The following ZNF90 variants were observed in gnomAD, a reference collection of about 807,000 sequenced individuals.
ZNF90 encodes the protein zinc finger protein 90.
A neutral mutation model predicts 12.0 loss-of-function variants in ZNF90; 11 were observed. The ratio of observed to expected loss-of-function variants is 0.92; its 90% CI spans 0.58 to 1.52. The LOEUF is 1.52. Ranked by LOEUF, ZNF90 falls within the 40% of genes most tolerant of loss-of-function variation. The pLI is 0.00. For synonymous variants in ZNF90, 232 were observed against 240.1 expected (o/e 0.97, Z 0.31); for missense variants, 765 against 711.5 (o/e 1.08, Z -0.86).
At chr19:20,113,604 C>A (rs1386035353) in intron 3 of ZNF90, among the ~76,000 whole-genome samples, 1 of 152,012 alleles carries the variant, frequency 6.6e-6, no homozygotes, top group East Asian at 2.0e-4. Context: ...CCAAGACGGG[C>A]GGATCATGAG....
At chr19:20,110,482 T>C (rs2089079122) in intron 3 of ZNF90, among the ~76,000 whole-genome samples, 1 of 152,036 alleles carries the variant, frequency 6.6e-6, no homozygotes, top group Non-Finnish European at 1.5e-5. Context: ...GCCAGGCTGG[T>C]CTCAGACTCC....
At chr19:20,100,381 C>T (rs57642985) in intron 1 of ZNF90, among the ~76,000 whole-genome samples, 10,500 of 152,234 alleles carry the variant, frequency 0.069, 1,032 homozygotes, top group African/African-American at 0.22. Context: ...TAATCCCCTG[C>T]ACTGCAGGCC....
intron 1 of ZNF90, among the ~76,000 whole-genome samples, chr19:20,084,117 G>T (rs1555701819): frequency 6.6e-6 from 1 of 151,332 alleles, no homozygotes; most frequent in Non-Finnish European, 1.5e-5. Flanking sequence ...GCAGTGGTGC[G>T]ATCTTGGCTC....
At chr19:20,105,012 A>AAAAAC (rs550644569) in intron 2 of ZNF90, among the ~76,000 whole-genome samples, 16 of 152,224 alleles carry the variant, frequency 1.1e-4, no homozygotes, top group African/African-American at 2.6e-4. Flanking sequence ...AAAACAAACA[A>AAAAAC]AAAACAAAAC....
Position 20,119,502 on chromosome 19 carries a change from A to C in ZNF90, c.*142A>C. 1.4e-6 allele frequency: 1 copy of C among 734,938 alleles called. No individual in the cohort carries two copies. The highest frequency in any genetic ancestry group is 2.2e-6 in the Non-Finnish European group (1 of 458,626). 45.5% of individuals were successfully genotyped at this position (734,938 alleles called of 1,614,324 possible). A position where few individuals can be genotyped will look rare whatever the true frequency, so the allele number is the denominator to read the frequency against. On this transcript the variant is annotated 3_prime_UTR_variant, in exon 4 of 4. Coordinates refer to ENST00000418063, the MANE Select transcript of ZNF90 (RefSeq NM_007138.2). ...TTATATGAAACATAACTCCTACAAAAATAAAGAATGTGACAAATCATTTTA... is the reference window on the plus strand; with the variant it reads ...TTATATGAAACATAACTCCTACAAACATAAAGAATGTGACAAATCATTTTA...
chr19:20,078,201 G>A, intron 1 of ZNF90, 66 bp downstream of exon 1: 1 of 1,607,304 alleles, frequency 6.2e-7, no homozygotes, highest in Non-Finnish European at 8.5e-7. Context: ...GGAAGTGGCT[G>A]TGGCGGGACT....
chr19:20,103,098 G>A (rs561104079), intron 1 of ZNF90, among the ~76,000 whole-genome samples: 2 of 152,330 alleles, frequency 1.3e-5, no homozygotes, highest in East Asian at 1.9e-4. Flanking sequence ...AAGACAGTTT[G>A]AGAGAGAAAG....
intron 3 of ZNF90, among the ~76,000 whole-genome samples, chr19:20,113,476 G>GCC (rs200429845): frequency 6.6e-6 from 1 of 151,840 alleles, no homozygotes; most frequent in South Asian, 2.1e-4. Context: ...ACAGGCGTAA[G>GCC]CCACCGCACG....
At chr19:20,079,308 T>G (rs1034096502) in intron 1 of ZNF90, among the ~76,000 whole-genome samples, 15 of 106,958 alleles carry the variant, frequency 1.4e-4, no homozygotes, top group African/African-American at 1.0e-3. Flanking sequence ...AAAGGAGGGT[T>G]TTTTTTTTTT....
chr19:20,107,173 C>A (rs536417107), intron 3 of ZNF90: 31 of 365,210 alleles, frequency 8.5e-5, no homozygotes, highest in Admixed American at 4.8e-4. Context: ...GCTTCAGGGA[C>A]CCCAGTAAAG....
At chr19:20,113,178 A>AT (rs555002168) in intron 3 of ZNF90, among the ~76,000 whole-genome samples, 5 of 148,216 alleles carry the variant, frequency 3.4e-5, no homozygotes, top group South Asian at 2.1e-4. Flanking sequence ...ACGGTTTTTT[A>AT]TTTTTTTTTC....
At chr19:20,109,661 C>T (rs1555704841) in intron 3 of ZNF90, among the ~76,000 whole-genome samples, 1 of 151,590 alleles carries the variant, frequency 6.6e-6, no homozygotes, top group Admixed American at 6.6e-5. Flanking sequence ...ATTCCTGTAG[C>T]CCAAAGGTTT....
At chr19:20,093,183 TA>T (rs1428783481) in intron 1 of ZNF90, among the ~76,000 whole-genome samples, 883 of 127,458 alleles carry the variant, frequency 6.9e-3, no homozygotes, top group African/African-American at 0.013. Context: ...ACAGGGTGGA[TA>T]GGCAAAACAA....
intron 3 of ZNF90, among the ~76,000 whole-genome samples, chr19:20,111,372 T>C (rs1340558859): frequency 6.6e-6 from 1 of 152,198 alleles, no homozygotes; most frequent in Non-Finnish European, 1.5e-5. Context: ...GTAGGTGCCA[T>C]CAAACCCTGC....
intron 3 of ZNF90, among the ~76,000 whole-genome samples, chr19:20,115,115 A>G (rs1467949651): frequency 6.6e-6 from 1 of 152,062 alleles, no homozygotes; most frequent in Non-Finnish European, 1.5e-5. Context: ...AGCTTGTGTA[A>G]TACTATTGTG....
intron 3 of ZNF90, among the ~76,000 whole-genome samples, chr19:20,111,147 T>C (rs1456280216): frequency 6.6e-5 from 10 of 152,214 alleles, no homozygotes; most frequent in African/African-American, 2.2e-4. Flanking sequence ...TTAGTTATTT[T>C]ATTTCTCAGT....
intron 1 of ZNF90, among the ~76,000 whole-genome samples, chr19:20,101,636 C>T (rs1311206984): frequency 6.6e-6 from 1 of 152,128 alleles, no homozygotes; most frequent in African/African-American, 2.4e-5. Flanking sequence ...CTTTGTTTTT[C>T]TGCCATTTGT....
chr19:20,080,368 G>T, intron 1 of ZNF90: 2 of 445,200 alleles, frequency 4.5e-6, no homozygotes, highest in East Asian at 6.1e-5. Context: ...TCCAGCCTCA[G>T]GGCACCGTAT....
In ZNF90 at chr19:20,118,077, T is replaced by A. The variant is rs782163802; in HGVS notation, c.523T>A (p.Cys175Ser). 3.1e-6 allele frequency: 5 copies of A among 1,613,354 alleles called. No homozygotes were observed. In the East Asian group the frequency reaches 8.9e-5, roughly 29 times the overall value. ...IRDTGKKPFK[C>S]IECGKAFNQS... The stretch of plus-strand genomic sequence containing the variant: ...AGATACTGGAAAAAAACCTTTCAAA[T>A]GTATAGAATGTGGCAAAGCTTTCAA... Residue 175 changes from cysteine (C) to serine (S), a missense_variant, in exon 4 of 4, where the codon TGT (cysteine) becomes AGT (serine). By Grantham distance (112) the Cys-to-Ser change is moderately radical. Coordinates refer to ENST00000418063, the MANE Select transcript of ZNF90 (RefSeq NM_007138.2).
Sources: allele counts gnomAD v4.1 joint callset (sites outside exome capture counted in the v4.1 genomes callset), GRCh38; gene constraint gnomAD v4.1.1; transcripts MANE v1.5; gene names NCBI Gene and HGNC (gene_info 2026-07-23, HGNC 2026-07-21).